The following MED1 variants were observed in gnomAD, a reference collection of about 807,000 sequenced individuals.
The protein encoded by MED1 is mediator of RNA polymerase II transcription subunit 1.
MED1 carries 17 observed loss-of-function variants against 121.3 expected under a neutral mutation model. The ratio of observed to expected loss-of-function variants is 0.14; its 90% CI spans 0.10 to 0.21. The LOEUF is 0.21. Ranked by LOEUF, MED1 falls within the 10% of genes least tolerant of loss-of-function variation. The pLI is 1.00. For synonymous variants in MED1, 661 were observed against 694.4 expected (o/e 0.95, Z 0.76); for missense variants, 1,558 against 1,919.4 (o/e 0.81, Z 3.52).
chr17:39,448,639 G>A (rs1330239156), intron 1 of MED1, among the ~76,000 whole-genome samples: 1 of 152,120 alleles, frequency 6.6e-6, no homozygotes, highest in Non-Finnish European at 1.5e-5. Context: ...GCTGGGCGGA[G>A]TGGCTCACGC....
intron 10 of MED1, among the ~76,000 whole-genome samples, chr17:39,425,317 C>G (rs892838602): frequency 6.6e-6 from 1 of 152,086 alleles, no homozygotes; most frequent in East Asian, 1.9e-4. Flanking sequence ...CAGCCTCCCA[C>G]GTACATGGCA....
chr17:39,434,146 G>A (rs1291129586), intron 7 of MED1, 103 bp downstream of exon 7: 5 of 706,448 alleles, frequency 7.1e-6, no homozygotes, highest in Non-Finnish European at 1.2e-5. Context: ...TAGAAACTAG[G>A]AGTGACAAAC....
Position 39,440,606 on chromosome 17 carries a change from AC to A in MED1, c.266+16del. The A allele has an allele frequency of 6.2e-7, 1 of 1,612,174 alleles. No homozygotes were observed. The highest frequency in any genetic ancestry group is 2.2e-5 in the East Asian group (1 of 44,872). The stretch of plus-strand genomic sequence containing the variant: ...AACACTAAGTTAAACATTTCTGCCT[AC>A]AGAAAGACTACTTACCCATTCTGTC... On this transcript the variant is annotated intron_variant, in intron 4 of 16. Coordinates refer to ENST00000300651, the MANE Select transcript of MED1 (RefSeq NM_004774.4). This position sits in a 1 kb window ranked among gnomAD's most constrained non-coding sequence, Gnocchi z 4.1.
At chr17:39,429,734 A>C (rs1597865497) in intron 9 of MED1, among the ~76,000 whole-genome samples, 1 of 149,944 alleles carries the variant, frequency 6.7e-6, no homozygotes. Flanking sequence ...AAAAGGAAGA[A>C]ATCATCACAA....
Position 39,405,140 on chromosome 17 carries a change from C to T in MED1, c.*2335G>A. ...AGGCTTGGTTTATTCTGCCTCTTCTCCTCCACCCTGTGGAGAAATGCAGTG... is the reference window on the plus strand; with the variant it reads ...AGGCTTGGTTTATTCTGCCTCTTCTTCTCCACCCTGTGGAGAAATGCAGTG... On this transcript the variant is annotated 3_prime_UTR_variant, in exon 17 of 17. Transcript: ENST00000300651. 1.4e-6 allele frequency: 2 copies of T among 1,425,142 alleles called. No individual in the cohort carries two copies. The highest frequency in any genetic ancestry group is 1.4e-5 in the African/African-American group (1 of 69,952). 88.3% of individuals were successfully genotyped at this position (1,425,142 alleles called of 1,614,324 possible).
chr17:39,414,390 C>T (rs905253314), intron 16 of MED1, among the ~76,000 whole-genome samples: 3 of 150,222 alleles, frequency 2.0e-5, no homozygotes, highest in African/African-American at 7.4e-5. Context: ...GGCTGGAGTA[C>T]AGTGGCATGA....
At chr17:39,431,018 C>CA (rs1567648095) in intron 9 of MED1, 97 bp downstream of exon 9, 2 of 1,195,008 alleles carry the variant, frequency 1.7e-6, no homozygotes, top group Non-Finnish European at 2.4e-6. Context: ...GACTCTGTCT[C>CA]AAAAAAATAA....
rs1485995282 is a variant in MED1 at position 39,424,689 on chromosome 17, A to T, written c.789T>A (p.Ser263=). ...GTGCAATTGGGAGTTTGTACACAGCAGATGTTCCTTCAATTGTCACTGATG... is the reference window on the plus strand; with the variant it reads ...GTGCAATTGGGAGTTTGTACACAGCTGATGTTCCTTCAATTGTCACTGATG... The part of the protein sequence containing the change: ...MNASVTIEGT[S]AVYKLPIAPL... Residue 263 remains serine, a synonymous_variant, in exon 11 of 17, where the codon TCT becomes TCA. Transcript: ENST00000300651. The T allele has an allele frequency of 1.7e-5, 28 of 1,611,504 alleles. No individual in the cohort carries two copies. Among genetic ancestry groups the T allele is most frequent in the African/African-American group, 4.0e-5 (3 of 74,866 alleles).
Position 39,438,361 on chromosome 17 carries a change from T to A in MED1, c.428+804A>T, listed in dbSNP as rs556993981. On this transcript the variant is annotated intron_variant, in intron 6 of 16. Coordinates refer to ENST00000300651, the MANE Select transcript of MED1 (RefSeq NM_004774.4). ...AATTTTTTTTTTTTTTTTTTTTTTT[T>A]GAGACGGCGTCTTGCTCTGTCGCCC... is the stretch of plus-strand genomic sequence containing the variant. Among the ~76,000 whole-genome samples, 664 of 86,104 alleles carry A rather than the reference T, an allele frequency of 7.7e-3. 2 individuals carry two copies. The highest frequency in any genetic ancestry group is 0.032 in the Middle Eastern group (5 of 154). 56.5% of individuals were successfully genotyped at this position (86,104 alleles called of 152,430 possible). A position where few individuals can be genotyped will look rare whatever the true frequency, so the allele number is the denominator to read the frequency against.
chr17:39,405,430 A>G lies in MED1; in HGVS notation c.*2045T>C. On this transcript the variant is annotated 3_prime_UTR_variant, in exon 17 of 17. Transcript: ENST00000300651. ...GTACATTCCCCCTAAGATTCTCCCCACTCAGAACAAATTTTAAAAACCACA... is the reference window on the plus strand; with the variant it reads ...GTACATTCCCCCTAAGATTCTCCCCGCTCAGAACAAATTTTAAAAACCACA... The G allele has an allele frequency of 7.2e-7, 1 of 1,390,254 alleles. No individual in the cohort carries two copies. The highest frequency in any genetic ancestry group is 2.7e-5 in the East Asian group (1 of 37,208). 86.1% of individuals were successfully genotyped at this position (1,390,254 alleles called of 1,614,324 possible).
chr17:39,429,988 TA>T (rs2048550770), intron 9 of MED1, among the ~76,000 whole-genome samples: 1 of 151,732 alleles, frequency 6.6e-6, no homozygotes, highest in South Asian at 2.1e-4. Flanking sequence ...GAAACTGAGT[TA>T]GGGGGATTAT....
At position 39,434,328 on chromosome 17, in the gene MED1, G is replaced by T; in HGVS notation, c.429-8C>A. The T allele has an allele frequency of 6.8e-7, 1 of 1,464,444 alleles. No homozygotes were observed. Among genetic ancestry groups the T allele is most frequent in the South Asian group, 1.3e-5 (1 of 78,578 alleles). The allele number at this position is 1,464,444 out of a possible 1,614,324, so 90.7% of individuals were successfully genotyped here. A position where few individuals can be genotyped will look rare whatever the true frequency, so the allele number is the denominator to read the frequency against. ...TCATCAAAATTTTTTTCCCTATAAGGAGTTCAGGGAAGAGGGGAAAGAGAG... is the reference window on the plus strand; with the variant it reads ...TCATCAAAATTTTTTTCCCTATAAGTAGTTCAGGGAAGAGGGGAAAGAGAG... On this transcript the variant is annotated splice_region_variant and splice_polypyrimidine_tract_variant and intron_variant, in intron 6 of 16. Coordinates refer to ENST00000300651, the MANE Select transcript of MED1 (RefSeq NM_004774.4).
At position 39,451,212 on chromosome 17, in the gene MED1, G is replaced by A; in HGVS notation, c.-150C>T. Reference sequence around the variant, plus strand: ...AAGGATCAATCTGAAGTCCCCGGCGGCAAGAAGAGAAGGGTGCTCGAGGCC... The same window carrying A: ...AAGGATCAATCTGAAGTCCCCGGCGACAAGAAGAGAAGGGTGCTCGAGGCC... On this transcript the variant is annotated 5_prime_UTR_variant, in exon 1 of 17. Transcript: ENST00000300651. 2 of 879,084 alleles carry A rather than the reference G, an allele frequency of 2.3e-6. No individual in the cohort carries two copies. Among genetic ancestry groups the A allele is most frequent in the Non-Finnish European group, 3.5e-6 (2 of 570,136 alleles). 54.5% of individuals were successfully genotyped at this position (879,084 alleles called of 1,614,324 possible).
intron 6 of MED1, among the ~76,000 whole-genome samples, chr17:39,437,257 T>C (rs1266354873): frequency 6.6e-6 from 1 of 152,148 alleles, no homozygotes; most frequent in African/African-American, 2.4e-5. Context: ...TTTGTATTTT[T>C]TGTAGAGACA....
chr17:39,450,990 G>T, intron 1 of MED1, 48 bp downstream of exon 1: 1 of 1,573,100 alleles, frequency 6.4e-7, no homozygotes, highest in Non-Finnish European at 8.7e-7. Context: ...TCACAAACTG[G>T]CTCCCCCAGT....
chr17:39,442,996 CTT>C lies in MED1; in HGVS notation c.211+552_211+553del, dbSNP rs754729976. On this transcript the variant is annotated intron_variant, in intron 3 of 16. Transcript: ENST00000300651. ...GGGAAAAAAAACTTTTCCCAGGTAT[CTT>C]TTTTTTTTTTTTTTTTTTTTTTGAG... 2.9e-4 allele frequency among the ~76,000 whole-genome samples: 24 copies of C among 82,862 alleles called. No individual in the cohort carries two copies. In the East Asian group the frequency reaches 8.2e-3, roughly 28 times the overall value. The allele number at this position is 82,862 out of a possible 152,430, so 54.4% of individuals were successfully genotyped here. A position where few individuals can be genotyped will look rare whatever the true frequency, so the allele number is the denominator to read the frequency against.
At chr17:39,419,661 C>A (rs1213349923) in intron 14 of MED1, 56 bp downstream of exon 14, 1 of 1,508,406 alleles carries the variant, frequency 6.6e-7, no homozygotes, top group African/African-American at 1.4e-5. Context: ...AATTAAAGAA[C>A]CACTGGAGAA....
Position 39,408,027 on chromosome 17 carries a change from A to G in MED1, c.4194T>C (p.Asp1398=). The G allele has an allele frequency of 6.2e-7, 1 of 1,614,176 alleles. No homozygotes were observed. Among genetic ancestry groups the G allele is most frequent in the Non-Finnish European group, 8.5e-7 (1 of 1,180,040 alleles). Residue 1398 remains aspartate, a synonymous_variant, in exon 17 of 17, where the codon GAT becomes GAC. Transcript: ENST00000300651. This position sits in a 1 kb window ranked among gnomAD's most constrained non-coding sequence, Gnocchi z 4.7. The part of the protein sequence containing the change: ...GVAKIIISKH[D]GGSPSIKAKV... Reference sequence around the variant, plus strand: ...TGGCTTTAATGCTAGGGGAGCCTCCATCATGCTTACTGATGATAATTTTTG... The same window carrying G: ...TGGCTTTAATGCTAGGGGAGCCTCCGTCATGCTTACTGATGATAATTTTTG...
At chr17:39,411,727 G>A (rs1035367389) in intron 16 of MED1, among the ~76,000 whole-genome samples, 8 of 151,098 alleles carry the variant, frequency 5.3e-5, no homozygotes, top group African/African-American at 1.7e-4. Flanking sequence ...CCGCCGGTCA[G>A]AGTGGCTCAC....
Sources: gnomAD v4.1 joint callset for allele counts (sites outside exome capture counted in the v4.1 genomes callset) on GRCh38, gnomAD v4.1.1 for gene constraint, Gnocchi (gnomAD v3.1) non-coding constraint, MANE v1.5 for transcripts, NCBI Gene and HGNC (gene_info 2026-07-23, HGNC 2026-07-21) for gene names.